Variants in ARFGAP1 observed in about 807,000 individuals in gnomAD.
ARFGAP1 encodes the protein ADP-ribosylation factor GTPase-activating protein 1.
ARFGAP1 carries 26 observed loss-of-function variants against 54.0 expected under a neutral mutation model. The observed-to-expected ratio is 0.48, with a 90% CI of 0.35 to 0.67. ARFGAP1 has a LOEUF of 0.67. Ranked by LOEUF, ARFGAP1 falls within the 30% of genes least tolerant of loss-of-function variation. The probability of loss-of-function intolerance (pLI) is 0.00; values close to 1 mark genes in which losing one functional copy is unlikely to be tolerated. For missense variants in ARFGAP1, 525 were observed against 535.8 expected (o/e 0.98, Z 0.20); for synonymous variants, 248 against 211.9 (o/e 1.17, Z -1.48).
intron 11 of ARFGAP1, chr20:63,286,069 C>G (rs1358988672): frequency 1.3e-6 from 2 of 1,549,934 alleles, no homozygotes. Context: ...ATGAGGCGCT[C>G]TGCGGACAGA....
At chr20:63,281,448 A>G in intron 8 of ARFGAP1, 101 bp downstream of exon 8, 3 of 1,403,632 alleles carry the variant, frequency 2.1e-6, no homozygotes, top group Non-Finnish European at 1.9e-6. Context: ...GATGTGGGAC[A>G]CAGAGGGTTT....
chr20:63,280,203 C>T (rs2067344063), intron 7 of ARFGAP1, among the ~76,000 whole-genome samples: 1 of 152,226 alleles, frequency 6.6e-6, no homozygotes, highest in African/African-American at 2.4e-5. Context: ...GCAACCTGAG[C>T]CTTTGGCCAC....
At position 63,287,764 on chromosome 20, in the gene ARFGAP1, C is replaced by T; in HGVS notation, c.1112C>T (p.Ser371Phe). 1 of 1,609,576 alleles carries T rather than the reference C, an allele frequency of 6.2e-7. No homozygotes were observed. The change falls in exon 13 of 13, where the codon TCC (serine) becomes TTC (phenylalanine). Residue 371 changes from serine (S) to phenylalanine (F), a missense_variant. By Grantham distance (155) the Ser-to-Phe change is radical. Transcript: ENST00000370283. ...AGCTGGGAGGTGTGGGGCTCGGCCT[C>T]CACCAACAGGAACAGCAACAGCGAC... ...SDSWEVWGSASTNRNSNSDGG... is the reference protein window; with the variant it reads ...SDSWEVWGSAFTNRNSNSDGG...
rs576715591 is a variant in ARFGAP1, at chr20:63,276,573, G to A, written c.264G>A (p.Glu88=). 3.0e-4 allele frequency: 484 copies of A among 1,614,046 alleles called. 3 individuals carry two copies. The highest frequency in any genetic ancestry group is 8.2e-5 in the Non-Finnish European group (97 of 1,179,976). The change falls in exon 4 of 13, where the codon GAG becomes GAA. Residue 88 remains glutamate, a synonymous_variant. Coordinates refer to ENST00000370283, the MANE Select transcript of ARFGAP1 (RefSeq NM_018209.4). This position sits in a 1 kb window ranked among gnomAD's most constrained non-coding sequence, Gnocchi z 5.2. The part of the protein sequence containing the change: ...GGNAKFREFL[E]SQEDYDPCWS... ...ATGCTAAGTTCCGAGAGTTCCTGGA[G>A]TCTCAGGAGGATTACGATCCTTGCT...
At chr20:63,274,418 C>T (rs1186022226) in intron 1 of ARFGAP1, among the ~76,000 whole-genome samples, 2 of 137,384 alleles carry the variant, frequency 1.5e-5, no homozygotes, top group African/African-American at 2.6e-5. Flanking sequence ...AAAGCTCTGC[C>T]TACACTGTGA....
At chr20:63,278,631 T>C (rs752782858) in intron 6 of ARFGAP1, 28 of 526,726 alleles carry the variant, frequency 5.3e-5, no homozygotes, top group African/African-American at 1.7e-4. Context: ...AGCTGTCATA[T>C]TAAGTTGTTT....
chr20:63,283,570 T>A (rs1207636488), intron 9 of ARFGAP1: 2 of 478,856 alleles, frequency 4.2e-6, no homozygotes, highest in African/African-American at 4.0e-5. Flanking sequence ...CCTTCCTCTC[T>A]GAGGGAGTCT....
At chr20:63,285,094 A>G (rs947077506) in intron 10 of ARFGAP1, among the ~76,000 whole-genome samples, 172 bp downstream of exon 10, 1 of 150,488 alleles carries the variant, frequency 6.6e-6, no homozygotes, top group Admixed American at 6.6e-5. Context: ...CTCCTCTTGG[A>G]CCCCCCAGCT....
At position 63,278,148 on chromosome 20, in the gene ARFGAP1, T is replaced by G. The variant is rs377570118; in HGVS notation, c.475T>G (p.Ser159Ala). 2.2e-5 allele frequency: 36 copies of G among 1,613,650 alleles called. No individual in the cohort carries two copies. In the African/African-American group the frequency reaches 3.1e-4, roughly 14 times the overall value. Residue 159 changes from serine (S) to alanine (A), a missense_variant, in exon 6 of 13, where the codon TCC (serine) becomes GCC (alanine). Around this residue, in one of 3 missense-constraint regions of ARFGAP1, gnomAD observed 466 missense variants for 453.6 expected, o/e 1.03. Coordinates refer to ENST00000370283, the MANE Select transcript of ARFGAP1 (RefSeq NM_018209.4). Reference protein sequence around the residue: ...VSGQPQSVTASSDKAFEDWLN... With the variant: ...VSGQPQSVTAASDKAFEDWLN... ...TGGCCAGCCGCAGAGTGTGACCGCC[T>G]CCTCGGACAAGGCTTTTGAAGACTG...
intron 7 of ARFGAP1, among the ~76,000 whole-genome samples, chr20:63,279,936 C>T (rs541366341): frequency 3.3e-5 from 5 of 152,256 alleles, no homozygotes; most frequent in Non-Finnish European, 5.9e-5. Flanking sequence ...GTCAGGAGTT[C>T]GAGACCAGCC....
chr20:63,284,485 G>A (rs2067471492), intron 9 of ARFGAP1: 6 of 1,120,800 alleles, frequency 5.4e-6, no homozygotes, highest in Middle Eastern at 4.9e-4. Flanking sequence ...CTCGGTGCCT[G>A]CCTGGGGAGG....
Position 63,287,714 on chromosome 20 carries a change from C to T in ARFGAP1, c.1062C>T (p.Thr354=), listed in dbSNP as rs772057937. The change falls in exon 13 of 13, where the codon ACC becomes ACT. Residue 354 remains threonine, a synonymous_variant. Coordinates refer to ENST00000370283, the MANE Select transcript of ARFGAP1 (RefSeq NM_018209.4). ...GCGACAGCTGGACGTGCGCGGACAC[C>T]TCCACCGAGAGGAGGAGCTCGGACA... ...PSSDSWTCAD[T]STERRSSDSW... 4 of 1,611,670 alleles carry T rather than the reference C, an allele frequency of 2.5e-6. No homozygotes were observed. In the Admixed American group the frequency reaches 5.0e-5, roughly 20 times the overall value.
intron 9 of ARFGAP1, 104 bp from the exon 10 acceptor site, chr20:63,284,762 T>A: frequency 6.5e-7 from 1 of 1,548,556 alleles, no homozygotes. Context: ...CCTTCCCTCC[T>A]GCTGGTGAAG....
intron 11 of ARFGAP1, chr20:63,286,032 G>T (rs1474982471): frequency 6.5e-7 from 1 of 1,547,328 alleles, no homozygotes; most frequent in Non-Finnish European, 8.7e-7. Flanking sequence ...GGCCATTTGG[G>T]GCGTGCATTT....
rs1054514969 is a variant in ARFGAP1, at chr20:63,284,720, C to T, written c.718-146C>T. The T allele has an allele frequency of 1.4e-5, 21 of 1,486,144 alleles. No individual in the cohort carries two copies. In the African/African-American group the frequency reaches 1.5e-4, roughly 11 times the overall value. 92.1% of individuals were successfully genotyped at this position (1,486,144 alleles called of 1,614,324 possible). On this transcript the variant is annotated intron_variant, in intron 9 of 12. Coordinates refer to ENST00000370283, the MANE Select transcript of ARFGAP1 (RefSeq NM_018209.4). ...CCTTCGGGTGTTGTGTGCAAAGCCC[C>T]GTTTCCTGCTCCCTGCGCTTGTATC...
chr20:63,283,155 A>G lies in ARFGAP1; in HGVS notation c.717+304A>G, dbSNP rs556477117. 493 of 473,296 alleles carry G rather than the reference A, an allele frequency of 1.0e-3. 2 individuals carry two copies. Among genetic ancestry groups the G allele is most frequent in the African/African-American group, 8.7e-3 (446 of 51,346 alleles). The allele number at this position is 473,296 out of a possible 1,614,324, so 29.3% of individuals were successfully genotyped here. A position where few individuals can be genotyped will look rare whatever the true frequency, so the allele number is the denominator to read the frequency against. On this transcript the variant is annotated intron_variant, in intron 9 of 12. Coordinates refer to ENST00000370283, the MANE Select transcript of ARFGAP1 (RefSeq NM_018209.4). ...GGAGCAGGACTGCCCGGCTTGGCAG[A>G]TGGCCCACGCTGGCGGTGGCCGCTC...
At chr20:63,278,683 T>C in intron 6 of ARFGAP1, 1 of 562,902 alleles carries the variant, frequency 1.8e-6, no homozygotes, top group East Asian at 2.9e-5. Flanking sequence ...TTTGGGGACT[T>C]GCTGGGGACC....
At chr20:63,278,583 G>T (rs527912172) in intron 6 of ARFGAP1, 9 of 474,656 alleles carry the variant, frequency 1.9e-5, no homozygotes, top group East Asian at 1.5e-4. Flanking sequence ...TTTTCTGCGT[G>T]GAATCTGCTG....
chr20:63,284,143 C>A (rs1029790226), intron 9 of ARFGAP1: 1 of 1,339,398 alleles, frequency 7.5e-7, no homozygotes, highest in Non-Finnish European at 9.5e-7. Context: ...CCAAAACACA[C>A]AGACCCCCAA....
Sources: allele counts gnomAD v4.1 joint callset (sites outside exome capture counted in the v4.1 genomes callset), GRCh38; gene constraint gnomAD v4.1.1; regional missense constraint gnomAD v4.1.1; non-coding constraint Gnocchi (gnomAD v3.1); transcripts MANE v1.5; gene names NCBI Gene and HGNC (gene_info 2026-07-23, HGNC 2026-07-21).